Variants in C13orf42 observed in about 807,000 individuals in gnomAD.
C13orf42 encodes the protein chromosome 13 open reading frame 42, also known as uncharacterized protein C13orf42.
chr13:51,116,175 A>C (rs1364387025), upstream of C13orf42, among the ~76,000 whole-genome samples: 1 of 152,284 alleles, frequency 6.6e-6, no homozygotes, highest in African/African-American at 2.4e-5. Flanking sequence ...GCGGGACTAT[A>C]TCCTCCTTTA....
chr13:51,098,542 T>G (rs968495874), intron 1 of C13orf42, among the ~76,000 whole-genome samples: 1 of 152,212 alleles, frequency 6.6e-6, no homozygotes, highest in African/African-American at 2.4e-5. Context: ...TAATTCATAC[T>G]GGACCAATGA....
At chr13:51,122,971 G>C (rs2138015426) in intron 1 of C13orf42, among the ~76,000 whole-genome samples, 1 of 152,342 alleles carries the variant, frequency 6.6e-6, no homozygotes, top group South Asian at 2.1e-4. Context: ...GAAAGGAGAT[G>C]TTCTGATAGC....
chr13:51,138,247 A>C (rs6561616), intron 1 of C13orf42, among the ~76,000 whole-genome samples: 1 of 152,088 alleles, frequency 6.6e-6, no homozygotes, highest in Non-Finnish European at 1.5e-5. Context: ...CACTGCTGTG[A>C]CATATTATGA....
chr13:51,146,683 T>C (rs1021523193), intron 1 of C13orf42, among the ~76,000 whole-genome samples: 23 of 152,076 alleles, frequency 1.5e-4, no homozygotes, highest in African/African-American at 5.3e-4. Flanking sequence ...AAGAGACAAA[T>C]GGTTGCATTC....
intron 1 of C13orf42, among the ~76,000 whole-genome samples, chr13:51,152,913 G>C (rs1286098262): frequency 6.6e-6 from 1 of 152,114 alleles, no homozygotes; most frequent in African/African-American, 2.4e-5. Flanking sequence ...CATACATGCA[G>C]AGCTGCGTCA....
intron 1 of C13orf42, among the ~76,000 whole-genome samples, chr13:51,109,176 A>G (rs1009042896): frequency 3.3e-5 from 5 of 152,188 alleles, no homozygotes; most frequent in Admixed American, 6.5e-5. Flanking sequence ...GGCCCCCAAC[A>G]CTGACATACT....
intron 1 of C13orf42, among the ~76,000 whole-genome samples, chr13:51,123,364 T>C (rs926483005): frequency 6.6e-5 from 10 of 152,248 alleles, no homozygotes; most frequent in African/African-American, 9.6e-5. Context: ...AGATTGATCA[T>C]GGCAGGGGGA....
chr13:51,171,578 C>T (rs566798214), intron 1 of C13orf42, among the ~76,000 whole-genome samples: 8 of 152,258 alleles, frequency 5.3e-5, no homozygotes, highest in African/African-American at 1.9e-4. Flanking sequence ...GGTCCCAATT[C>T]TTCCTCAGCC....
intron 1 of C13orf42, among the ~76,000 whole-genome samples, chr13:51,098,768 T>C (rs920600130): frequency 5.3e-5 from 8 of 152,202 alleles, no homozygotes; most frequent in East Asian, 1.9e-4. Context: ...AGTTGCTGCC[T>C]CAAGCTATGG....
intron 1 of C13orf42, among the ~76,000 whole-genome samples, chr13:51,146,966 C>T (rs2138034981): frequency 6.6e-6 from 1 of 152,356 alleles, no homozygotes; most frequent in African/African-American, 2.4e-5. Context: ...CTTTGATCCC[C>T]TGGTCAGTGT....
chr13:51,148,003 A>T (rs1953751851), intron 1 of C13orf42, among the ~76,000 whole-genome samples: 1 of 152,178 alleles, frequency 6.6e-6, no homozygotes, highest in Non-Finnish European at 1.5e-5. Flanking sequence ...ACAGAATCAT[A>T]GGGTCCCTGG....
intron 1 of C13orf42, among the ~76,000 whole-genome samples, chr13:51,135,616 G>T (rs954498670): frequency 1.3e-5 from 2 of 151,054 alleles, no homozygotes; most frequent in African/African-American, 4.9e-5. Flanking sequence ...TCACACTACT[G>T]CACTCCAGCC....
intron 3 of C13orf42, among the ~76,000 whole-genome samples, chr13:51,084,705 G>A (rs1156545195): frequency 6.6e-6 from 1 of 152,250 alleles, no homozygotes; most frequent in Non-Finnish European, 1.5e-5. Flanking sequence ...GCAAGGCCCT[G>A]CAGCATGGCC....
chr13:51,168,809 TAGTG>T (rs1211980130), intron 1 of C13orf42, among the ~76,000 whole-genome samples: 2 of 152,172 alleles, frequency 1.3e-5, no homozygotes, highest in African/African-American at 2.4e-5. Flanking sequence ...GTTCTCATAT[TAGTG>T]AGTGAGTTCT....
intron 1 of C13orf42, among the ~76,000 whole-genome samples, chr13:51,118,475 A>G (rs985306813): frequency 2.6e-5 from 4 of 152,206 alleles, no homozygotes; most frequent in African/African-American, 9.6e-5. Flanking sequence ...GTGTTGGGCC[A>G]CCAGGCATTT....
chr13:51,125,676 C>T (rs1420019001), intron 1 of C13orf42, among the ~76,000 whole-genome samples: 2 of 146,188 alleles, frequency 1.4e-5, no homozygotes, highest in Non-Finnish European at 3.1e-5. Flanking sequence ...CCAGTGTCTA[C>T]GAATCAACAT....
At chr13:51,137,594 C>A (rs576302246) in intron 1 of C13orf42, among the ~76,000 whole-genome samples, 2 of 152,298 alleles carry the variant, frequency 1.3e-5, no homozygotes, top group African/African-American at 2.4e-5. Context: ...CAGATGGAAA[C>A]CAGCCAACCA....
chr13:51,124,097 T>C (rs765780876), intron 1 of C13orf42, among the ~76,000 whole-genome samples: 3 of 152,180 alleles, frequency 2.0e-5, no homozygotes, highest in East Asian at 1.9e-4. Flanking sequence ...TTTCCAGTTT[T>C]TGCATTTCTA....
chr13:51,162,761 C>T (rs192486065), intron 1 of C13orf42, among the ~76,000 whole-genome samples: 16 of 152,274 alleles, frequency 1.1e-4, no homozygotes, highest in Admixed American at 2.0e-4. Context: ...ATTTGAATAC[C>T]TTGATCCATT....
Sources: allele counts gnomAD v4.1 joint callset (sites outside exome capture counted in the v4.1 genomes callset), GRCh38; gene constraint gnomAD v4.1.1; transcripts MANE v1.5; gene names NCBI Gene and HGNC (gene_info 2026-07-23, HGNC 2026-07-21).